CCDC171: variants seen among roughly 807,000 people sequenced by gnomAD.
CCDC171 encodes the protein coiled-coil domain-containing protein 171.
Under a neutral mutation model 168.2 loss-of-function variants are expected in CCDC171, and 177 were observed. The observed-to-expected ratio is 1.05, with a 90% CI of 0.93 to 1.19. CCDC171 has a LOEUF of 1.19. Among genes scored for constraint, CCDC171 ranks in the 50% most tolerant of loss-of-function variants. The probability of loss-of-function intolerance (pLI) is 0.00; values close to 1 mark genes in which losing one functional copy is unlikely to be tolerated. For missense variants in CCDC171, 1,991 were observed against 1,539.0 expected (o/e 1.29, Z -4.91); for synonymous variants, 687 against 540.8 (o/e 1.27, Z -3.75).
intron 5 of CCDC171, 32 bp downstream of exon 5, chr9:15,591,588 T>C (rs769984240): frequency 2.5e-6 from 3 of 1,201,884 alleles, no homozygotes; most frequent in Non-Finnish European, 3.6e-6. Flanking sequence ...AATTTTCCGA[T>C]ATGTAATATT....
At chr9:15,615,894 T>G (rs1023534662) in intron 6 of CCDC171, among the ~76,000 whole-genome samples, 7 of 151,754 alleles carry the variant, frequency 4.6e-5, no homozygotes, top group African/African-American at 7.3e-5. Context: ...TCCTCCCACC[T>G]CAGCCCTCCA....
At chr9:15,692,017 C>G (rs1249126689) in intron 10 of CCDC171, among the ~76,000 whole-genome samples, 5 of 152,166 alleles carry the variant, frequency 3.3e-5, no homozygotes, top group Non-Finnish European at 7.3e-5. Context: ...TTCCAGAAGT[C>G]TCTATCTGGA....
the CCDC171 span, among the ~76,000 whole-genome samples, chr9:16,068,423 C>T: frequency 6.6e-6 from 1 of 152,168 alleles, no homozygotes; most frequent in Admixed American, 6.5e-5. Flanking sequence ...CATCAAGCTA[C>T]CAATGACTTT....
At chr9:15,734,026 T>C (rs897029269) in intron 16 of CCDC171, among the ~76,000 whole-genome samples, 1 of 152,254 alleles carries the variant, frequency 6.6e-6, no homozygotes, top group East Asian at 1.9e-4. Context: ...CCTCTTTCCT[T>C]GGTCTCCCTA....
chr9:16,022,738 G>A (rs1011409436), intron 5 of CCDC171: 5 of 152,188 alleles, frequency 3.3e-5, no homozygotes, highest in Non-Finnish European at 7.3e-5. Context: ...TCCCTGTCCA[G>A]GCCAGCGTGT....
At chr9:15,615,200 G>A (rs745614500) in intron 6 of CCDC171, among the ~76,000 whole-genome samples, 25 of 152,120 alleles carry the variant, frequency 1.6e-4, no homozygotes, top group African/African-American at 2.2e-4. Flanking sequence ...AATGTCAGGC[G>A]GGTTTAACAT....
intron 25 of CCDC171, among the ~76,000 whole-genome samples, chr9:15,956,008 TAATG>T (rs890176060): frequency 2.0e-4 from 31 of 152,360 alleles, no homozygotes; most frequent in African/African-American, 6.3e-4. Context: ...TGGCTGGACT[TAATG>T]AATAAAATTG....
intron 16 of CCDC171, among the ~76,000 whole-genome samples, chr9:15,738,686 C>T (rs1026404310): frequency 6.6e-6 from 1 of 151,920 alleles, no homozygotes; most frequent in Non-Finnish European, 1.5e-5. Context: ...AGGCTTTGTT[C>T]TTCAAGAATA....
intron 3 of CCDC171, among the ~76,000 whole-genome samples, chr9:15,993,748 G>GA (rs1420863582): frequency 6.6e-6 from 1 of 151,876 alleles, no homozygotes; most frequent in African/African-American, 2.4e-5. Context: ...AAATTTACAA[G>GA]AAAAAAACAA....
At chr9:15,643,522 A>G (rs1179133340) in intron 7 of CCDC171, among the ~76,000 whole-genome samples, 2 of 152,180 alleles carry the variant, frequency 1.3e-5, no homozygotes, top group Admixed American at 6.5e-5. Context: ...GGTGGCTGCC[A>G]CTTCTTGACA....
chr9:16,002,956 G>A (rs534395918), intron 3 of CCDC171, among the ~76,000 whole-genome samples: 13 of 152,268 alleles, frequency 8.5e-5, no homozygotes, highest in Admixed American at 2.0e-4. Context: ...TGGCTATACC[G>A]TCTAGGTTTG....
At chr9:15,810,388 T>C (rs889095824) in intron 21 of CCDC171, among the ~76,000 whole-genome samples, 2 of 151,770 alleles carry the variant, frequency 1.3e-5, no homozygotes, top group Non-Finnish European at 2.9e-5. Flanking sequence ...AGTCCCACAC[T>C]GTGTGCCTGC....
chr9:15,684,626 G>A (rs1479736997), intron 10 of CCDC171, among the ~76,000 whole-genome samples: 4 of 152,024 alleles, frequency 2.6e-5, no homozygotes, highest in African/African-American at 9.7e-5. Context: ...GGTTTTGAAG[G>A]ATCATAAAAA....
At chr9:16,035,821 G>A (rs1299600564) in intron 7 of CCDC171, among the ~76,000 whole-genome samples, 1 of 152,158 alleles carries the variant, frequency 6.6e-6, no homozygotes, top group East Asian at 1.9e-4. Context: ...GGGCTATGTT[G>A]TGTGGAAGAG....
intron 1 of CCDC171, among the ~76,000 whole-genome samples, chr9:15,554,388 T>C (rs1347359941): frequency 6.6e-6 from 1 of 152,182 alleles, no homozygotes; most frequent in Non-Finnish European, 1.5e-5. Flanking sequence ...AAGATGAACA[T>C]GGTTTTTCAT....
downstream of CCDC171, among the ~76,000 whole-genome samples, chr9:15,974,467 T>G (rs1831562425): frequency 6.6e-6 from 1 of 152,218 alleles, no homozygotes; most frequent in Non-Finnish European, 1.5e-5. Context: ...AATATTTTTG[T>G]AGAGGAAAGG....
intron 7 of CCDC171, among the ~76,000 whole-genome samples, chr9:15,651,006 C>A (rs1485097714): frequency 6.6e-6 from 1 of 152,124 alleles, no homozygotes; most frequent in Non-Finnish European, 1.5e-5. Context: ...TTCCCTGCCA[C>A]CCACACCCTG....
chr9:15,906,739 G>A (rs938993009), intron 24 of CCDC171, among the ~76,000 whole-genome samples: 1 of 152,110 alleles, frequency 6.6e-6, no homozygotes, highest in African/African-American at 2.4e-5. Context: ...AATTGTCCCT[G>A]TTTGCAGACG....
intron 3 of CCDC171, among the ~76,000 whole-genome samples, chr9:15,991,017 C>T (rs1019402072): frequency 5.3e-5 from 8 of 152,058 alleles, no homozygotes; most frequent in Non-Finnish European, 1.2e-4. Flanking sequence ...GACAGATCAA[C>T]GAGACAGAAA....
Sources: allele counts gnomAD v4.1 joint callset (sites outside exome capture counted in the v4.1 genomes callset), GRCh38; gene constraint gnomAD v4.1.1; transcripts MANE v1.5; gene names NCBI Gene and HGNC (gene_info 2026-07-23, HGNC 2026-07-21).